SNAP91: variants seen among roughly 807,000 people sequenced by gnomAD.
SNAP91 encodes the protein synaptosome associated protein 91, also known as clathrin coat assembly protein AP180.
A neutral mutation model predicts 100.3 loss-of-function variants in SNAP91; 27 were observed. That is an observed-to-expected ratio of 0.27 (90% CI 0.20 to 0.37). The LOEUF (loss-of-function observed/expected upper bound fraction) is 0.37, where lower values mean the gene tolerates loss of function less well. Ranked by LOEUF, SNAP91 falls within the 10% of genes least tolerant of loss-of-function variation. The pLI is 1.00. For synonymous variants in SNAP91, 404 were observed against 398.6 expected (o/e 1.01, Z -0.16); for missense variants, 986 against 1,123.7 (o/e 0.88, Z 1.75).
rs1301255162 is a variant in SNAP91, at chr6:83,607,725, T to C, written c.996A>G (p.Ala332=). 1 of 1,589,294 alleles carries C rather than the reference T, an allele frequency of 6.3e-7. No individual in the cohort carries two copies. Among genetic ancestry groups the C allele is most frequent in the Non-Finnish European group, 8.6e-7 (1 of 1,167,164 alleles). Residue 332 remains alanine, a synonymous_variant, in exon 13 of 30, where the codon GCA becomes GCG. Transcript: ENST00000369694. ...IDTSPPVDLF[A]TASAAVPVST... Reference sequence around the variant, plus strand: ...TGACTGGGACAGCCGCAGATGCAGTTGCAAATAAATCAACCGGTGGGGATG... The same window carrying C: ...TGACTGGGACAGCCGCAGATGCAGTCGCAAATAAATCAACCGGTGGGGATG...
chr6:83,593,541 T>C lies in SNAP91; in HGVS notation c.1633A>G (p.Thr545Ala). The change falls in exon 18 of 30, where the codon ACC becomes GCC. Residue 545 changes from threonine to alanine, a missense_variant. Thr to Ala is a moderately conservative substitution (Grantham distance 58, BLOSUM62 0). Coordinates refer to ENST00000369694, the MANE Select transcript of SNAP91 (RefSeq NM_001242792.2). ...ATTAATAAATTTTTTSAATAT... is the reference protein window; with the variant it reads ...ATTAATAAATATTTTSAATAT... ...GTGGCAGCGGAGGTGGTGGTAGTGG[T>C]GGTGGCAGCGGCGGTGGCAGCAGTA... The C allele has an allele frequency of 6.4e-7, 1 of 1,553,226 alleles. No individual in the cohort carries two copies. The highest frequency in any genetic ancestry group is 8.7e-7 in the Non-Finnish European group (1 of 1,147,700).
chr6:83,702,262 T>C (rs1199428355), intron 2 of SNAP91, among the ~76,000 whole-genome samples: 1 of 152,110 alleles, frequency 6.6e-6, no homozygotes, highest in Non-Finnish European at 1.5e-5. Context: ...AAAATACAAC[T>C]CTGTAAGGAA....
intron 22 of SNAP91, among the ~76,000 whole-genome samples, chr6:83,584,319 C>A (rs1185399756): frequency 1.3e-5 from 2 of 152,102 alleles, no homozygotes; most frequent in African/African-American, 2.4e-5. Context: ...ATGGAAAGGG[C>A]CTCAGGATCA....
At chr6:83,560,281 C>A in intron 27 of SNAP91, 73 bp from the exon 28 acceptor site, 2 of 992,054 alleles carry the variant, frequency 2.0e-6, no homozygotes, top group Non-Finnish European at 1.6e-6. Flanking sequence ...ACATTTATTG[C>A]TTTTATGTAC....
intron 26 of SNAP91, among the ~76,000 whole-genome samples, chr6:83,571,695 G>C (rs1808110066): frequency 6.6e-6 from 1 of 152,210 alleles, no homozygotes; most frequent in African/African-American, 2.4e-5. Flanking sequence ...TTGAGTTAAT[G>C]TTAAAATGAG....
intron 2 of SNAP91, among the ~76,000 whole-genome samples, chr6:83,706,653 C>T (rs1376472775): frequency 6.6e-6 from 1 of 152,178 alleles, no homozygotes; most frequent in Non-Finnish European, 1.5e-5. Context: ...GACACTGGTG[C>T]CATTTTCTTA....
chr6:83,625,503 A>T (rs1300772313), intron 8 of SNAP91, among the ~76,000 whole-genome samples: 1 of 152,066 alleles, frequency 6.6e-6, no homozygotes, highest in Non-Finnish European at 1.5e-5. Flanking sequence ...TCCCACCAAC[A>T]GTATATATGA....
At chr6:83,658,898 A>T in intron 6 of SNAP91, 101 bp downstream of exon 6, 2 of 840,358 alleles carry the variant, frequency 2.4e-6, no homozygotes, top group Non-Finnish European at 3.8e-6. Context: ...ATGAAGATCT[A>T]TAGCTGCTTC....
chr6:83,555,220 T>C, intron 29 of SNAP91, among the ~76,000 whole-genome samples: 1 of 122,530 alleles, frequency 8.2e-6, no homozygotes, highest in South Asian at 3.0e-4. Flanking sequence ...TAATCTTGTA[T>C]AAGAAAAAAA....
chr6:83,695,276 C>CAAAAAAAAAAAAAAAAAAAAAA (rs56103542), intron 2 of SNAP91, among the ~76,000 whole-genome samples: 1 of 67,318 alleles, frequency 1.5e-5, no homozygotes, highest in African/African-American at 6.7e-5. Context: ...GGCTCCATCT[C>CAAAAAAAAAAAAAAAAAAAAAA]AAAAAAAAAA....
intron 7 of SNAP91, among the ~76,000 whole-genome samples, chr6:83,649,493 T>C (rs1435961667): frequency 6.6e-6 from 1 of 152,174 alleles, no homozygotes; most frequent in African/African-American, 2.4e-5. Context: ...CTTCACACCA[T>C]TGCTTCAGCT....
chr6:83,687,447 G>GA (rs2099075169), intron 2 of SNAP91, among the ~76,000 whole-genome samples: 1 of 152,016 alleles, frequency 6.6e-6, no homozygotes, highest in African/African-American at 2.4e-5. Context: ...GTGTGTCCAA[G>GA]AACTTAAAAA....
In SNAP91 at chr6:83,580,543, C is replaced by T. The variant is rs1223074639; in HGVS notation, c.2206G>A (p.Ala736Thr). The T allele has an allele frequency of 1.2e-6, 2 of 1,613,568 alleles. No individual in the cohort carries two copies. Among genetic ancestry groups the T allele is most frequent in the East Asian group, 2.2e-5 (1 of 44,882 alleles). ...CTGGGTGGTACCATTGAGACAGGTG[C>T]AGGCTGCCCAGCTGGTGCCATGGTT... ...MPTMAPAGQP[A>T]PVSMVPPSPA... is the part of the protein sequence containing the mutation. Residue 736 changes from alanine (A) to threonine (T), a missense_variant, in exon 24 of 30, where the codon GCA becomes ACA. Around this residue, in one of 4 missense-constraint regions of SNAP91, gnomAD observed 575 missense variants for 579.9 expected, o/e 0.99. Transcript: ENST00000369694.
In SNAP91 at chr6:83,672,462, G is replaced by A. The variant is rs189077070; in HGVS notation, c.131-6881C>T. Among the ~76,000 whole-genome samples, 17 of 151,954 alleles carry A rather than the reference G, an allele frequency of 1.1e-4. No individual in the cohort carries two copies. In the East Asian group the frequency reaches 2.7e-3, roughly 24 times the overall value. ...TTAACTATTTTATGTGATGAACACT[G>A]TCATTTGTGGTAATTATCACCCTAT... On this transcript the variant is annotated intron_variant, in intron 2 of 29. Coordinates refer to ENST00000369694, the MANE Select transcript of SNAP91 (RefSeq NM_001242792.2).
Position 83,592,947 on chromosome 6 carries a change from A to T in SNAP91, c.1845T>A (p.Ser615=), listed in dbSNP as rs897294162. The T allele has an allele frequency of 1.3e-6, 2 of 1,578,418 alleles. No individual in the cohort carries two copies. The highest frequency in any genetic ancestry group is 1.7e-6 in the Non-Finnish European group (2 of 1,161,338). The change falls in exon 20 of 30, where the codon TCT becomes TCA. Residue 615 remains serine, a splice_region_variant and synonymous_variant. Coordinates refer to ENST00000369694, the MANE Select transcript of SNAP91 (RefSeq NM_001242792.2). The stretch of plus-strand genomic sequence containing the variant: ...TCCTGACCTTGGCAAAGCACTCACC[A>T]GATAAGAGGTCAGCAGTGAGAGAAC... ...PESSLTADLL[S]VDAFAAPSPA...
chr6:83,677,075 C>A (rs191570594), intron 2 of SNAP91, among the ~76,000 whole-genome samples: 1 of 152,162 alleles, frequency 6.6e-6, no homozygotes, highest in Non-Finnish European at 1.5e-5. Context: ...TGTAGGTGAG[C>A]CGTGCTTGTA....
At chr6:83,662,950 A>C (rs947667964) in intron 3 of SNAP91, among the ~76,000 whole-genome samples, 2 of 152,108 alleles carry the variant, frequency 1.3e-5, no homozygotes, top group African/African-American at 4.8e-5. Context: ...CCAGTCTATC[A>C]GTGCTCACTT....
chr6:83,673,783 A>G (rs1189314948), intron 2 of SNAP91, among the ~76,000 whole-genome samples: 1 of 152,202 alleles, frequency 6.6e-6, no homozygotes, highest in African/African-American at 2.4e-5. Flanking sequence ...GCCCATCAGA[A>G]AGGCCAAAAT....
intron 2 of SNAP91, among the ~76,000 whole-genome samples, chr6:83,685,468 G>A (rs539847484): frequency 6.6e-6 from 1 of 152,292 alleles, no homozygotes; most frequent in East Asian, 1.9e-4. Flanking sequence ...GAAAACATAA[G>A]AATAATCACT....
Sources: allele counts gnomAD v4.1 joint callset (sites outside exome capture counted in the v4.1 genomes callset), GRCh38; gene constraint gnomAD v4.1.1; regional missense constraint gnomAD v4.1.1; transcripts MANE v1.5; gene names NCBI Gene and HGNC (gene_info 2026-07-23, HGNC 2026-07-21).